KIAA1549: variants seen among roughly 807,000 people sequenced by gnomAD.
KIAA1549 encodes the protein KIAA1549.
In KIAA1549, 70 loss-of-function variants were observed where a neutral mutation model predicts 156.4. That is an observed-to-expected ratio of 0.45 (90% confidence interval 0.37 to 0.55). The LOEUF is 0.55. Among genes scored for constraint, KIAA1549 ranks in the 20% least tolerant of loss-of-function variants. The pLI is 0.00. For missense variants in KIAA1549, 2,428 were observed against 2,540.9 expected, an observed-to-expected ratio of 0.96 and a Z score of 0.96; for synonymous variants, 1,103 against 1,066.4, an observed-to-expected ratio of 1.03 and a Z score of -0.67.
intron 15 of KIAA1549, among the ~76,000 whole-genome samples, chr7:138,866,696 T>C (rs1321361686): frequency 2.0e-5 from 3 of 152,248 alleles, no homozygotes; most frequent in Non-Finnish European, 4.4e-5. Context: ...TGGTTCTCTC[T>C]CCCCTACTCA....
intron 18 of KIAA1549, among the ~76,000 whole-genome samples, chr7:138,842,871 A>G (rs1453626154): frequency 6.6e-6 from 1 of 152,156 alleles, no homozygotes; most frequent in East Asian, 1.9e-4. Flanking sequence ...CTTACTACTG[A>G]GTATCTGGGG....
rs1443188272 is a variant in KIAA1549 at position 138,916,977 on chromosome 7, C to T, written c.2649G>A (p.Val883=). ...TEVPLNTSTE[V]STTSTGAATG... is the part of the protein sequence containing the mutation. ...TGGCAGCACCGGTGCTGGTTGTGCT[C>T]ACTTCCGTGGAGGTGTTCAGTGGCA... Residue 883 remains valine (V), a synonymous_variant, in exon 2 of 20, where the codon GTG becomes GTA. Transcript: ENST00000422774. 1.2e-6 allele frequency: 2 copies of T among 1,600,220 alleles called. No individual in the cohort carries two copies. Among genetic ancestry groups the T allele is most frequent in the Admixed American group, 3.4e-5 (2 of 59,100 alleles).
chr7:138,880,213 T>C (rs1811203055), intron 11 of KIAA1549, among the ~76,000 whole-genome samples: 1 of 152,148 alleles, frequency 6.6e-6, no homozygotes, highest in Non-Finnish European at 1.5e-5. Flanking sequence ...TCAATGACAA[T>C]GTGGAATGCC....
rs755223755 is a variant in KIAA1549, at chr7:138,918,588, A to C, written c.1038T>G (p.Thr346=). Residue 346 remains threonine, a synonymous_variant, in exon 2 of 20, where the codon ACT becomes ACG. Coordinates refer to ENST00000422774, the MANE Select transcript of KIAA1549 (RefSeq NM_001164665.2). The surrounding 1 kb of genome is among the most constrained non-coding windows in gnomAD (Gnocchi z 4.2). ...TISPRTYPTV[T]ASHAALAFSR... is the part of the protein sequence containing the mutation. ...TGAATGCAAGGGCTGCGTGCGATGC[A>C]GTCACAGTGGGGTATGTTCTTGGAG... 6.2e-7 allele frequency: 1 copy of C among 1,614,064 alleles called. No homozygotes were observed. Among genetic ancestry groups the C allele is most frequent in the Admixed American group, 1.7e-5 (1 of 60,036 alleles).
chr7:138,925,469 G>A (rs1270798196), intron 1 of KIAA1549, among the ~76,000 whole-genome samples: 1 of 152,082 alleles, frequency 6.6e-6, no homozygotes, highest in African/African-American at 2.4e-5. Context: ...ACCACAGCGT[G>A]TTTTGTCAAA....
intron 1 of KIAA1549, among the ~76,000 whole-genome samples, chr7:138,960,287 T>TTTTATTTATTTA (rs1356727367): frequency 0.012 from 1,087 of 90,262 alleles, 16 homozygotes; most frequent in African/African-American, 0.049. Flanking sequence ...ATAAATTTTA[T>TTTTATTTATTTA]TTTATTGATT....
At chr7:138,965,486 C>A (rs979744768) in intron 1 of KIAA1549, among the ~76,000 whole-genome samples, 3 of 152,122 alleles carry the variant, frequency 2.0e-5, no homozygotes, top group Non-Finnish European at 4.4e-5. Context: ...CCACCACGCC[C>A]GGCAACGTTT....
intron 1 of KIAA1549, among the ~76,000 whole-genome samples, chr7:138,937,455 G>T (rs933202008): frequency 3.3e-5 from 5 of 152,146 alleles, no homozygotes; most frequent in African/African-American, 4.8e-5. Flanking sequence ...CTAAGTGCAG[G>T]GTGTGAAGTG....
intron 1 of KIAA1549, among the ~76,000 whole-genome samples, chr7:138,975,170 C>T (rs1261735796): frequency 6.6e-6 from 1 of 151,938 alleles, no homozygotes; most frequent in East Asian, 1.9e-4. Context: ...AGTGTGGGGA[C>T]CACAAGATTA....
intron 5 of KIAA1549, among the ~76,000 whole-genome samples, chr7:138,907,407 G>A (rs1812038109): frequency 6.6e-6 from 1 of 152,208 alleles, no homozygotes; most frequent in Non-Finnish European, 1.5e-5. Flanking sequence ...GAGAATGGAA[G>A]AAAACTAGAG....
intron 1 of KIAA1549, 144 bp downstream of exon 1, chr7:138,980,939 G>T: frequency 1.3e-6 from 1 of 760,718 alleles, no homozygotes; most frequent in Non-Finnish European, 1.7e-6. Flanking sequence ...GGCCCCAGAA[G>T]AATGGCAAAG....
At chr7:138,893,135 G>A (rs1464315175) in intron 10 of KIAA1549, among the ~76,000 whole-genome samples, 1 of 152,140 alleles carries the variant, frequency 6.6e-6, no homozygotes, top group African/African-American at 2.4e-5. Context: ...TGTGACCCTC[G>A]AATACTATGG....
intron 11 of KIAA1549, 146 bp from the exon 12 acceptor site, chr7:138,879,799 C>T (rs1018216144): frequency 1.6e-6 from 1 of 606,372 alleles, no homozygotes; most frequent in Non-Finnish European, 2.9e-6. Context: ...AGCACAGCGT[C>T]TTCAAGGATC....
intron 15 of KIAA1549, among the ~76,000 whole-genome samples, chr7:138,861,705 AG>A (rs1332539694): frequency 1.3e-4 from 19 of 150,320 alleles, no homozygotes; most frequent in Non-Finnish European, 2.5e-4. Flanking sequence ...AAAAAAAAAA[AG>A]AAAAAAAAAA....
intron 12 of KIAA1549, 56 bp downstream of exon 12, chr7:138,879,482 C>T: frequency 3.9e-6 from 4 of 1,034,038 alleles, no homozygotes; most frequent in Non-Finnish European, 5.7e-6. Context: ...AAGGCCCCAG[C>T]CTTTGGACTC....
chr7:138,872,177 C>A (rs1810954972), intron 12 of KIAA1549, among the ~76,000 whole-genome samples: 1 of 151,936 alleles, frequency 6.6e-6, no homozygotes, highest in African/African-American at 2.4e-5. Flanking sequence ...GAACTCCTGA[C>A]CTCAAGTGAT....
chr7:138,952,164 A>G (rs1442234000), intron 1 of KIAA1549, among the ~76,000 whole-genome samples: 1 of 152,238 alleles, frequency 6.6e-6, no homozygotes, highest in African/African-American at 2.4e-5. Flanking sequence ...GTTCTGACTC[A>G]ATGTGGCTGA....
intron 15 of KIAA1549, among the ~76,000 whole-genome samples, chr7:138,862,433 G>T (rs923102900): frequency 5.3e-5 from 8 of 151,530 alleles, no homozygotes; most frequent in African/African-American, 1.9e-4. Context: ...AAGCCCAGGA[G>T]GTCGAGGTTG....
At chr7:138,937,601 A>C (rs1278465670) in intron 1 of KIAA1549, among the ~76,000 whole-genome samples, 1 of 152,192 alleles carries the variant, frequency 6.6e-6, no homozygotes, top group Admixed American at 6.5e-5. Flanking sequence ...TCAGGAAAGG[A>C]TGAGGAGCCG....
Sources: gnomAD v4.1 joint callset for allele counts (sites outside exome capture counted in the v4.1 genomes callset) on GRCh38, gnomAD v4.1.1 for gene constraint, Gnocchi (gnomAD v3.1) non-coding constraint, MANE v1.5 for transcripts, NCBI Gene and HGNC (gene_info 2026-07-23, HGNC 2026-07-21) for gene names.